The following ERBB4 variants were observed in gnomAD, a reference collection of about 807,000 sequenced individuals.
ERBB4 encodes the protein receptor tyrosine-protein kinase erbB-4.
A neutral mutation model predicts 158.0 loss-of-function variants in ERBB4; 42 were observed. The ratio of observed to expected loss-of-function variants is 0.27; its 90% CI spans 0.21 to 0.34. The LOEUF is 0.34. ERBB4 is among the 10% of genes least tolerant of loss of function. The probability of loss-of-function intolerance (pLI) is 1.00; values close to 1 mark genes in which losing one functional copy is unlikely to be tolerated. For synonymous variants in ERBB4, 583 were observed against 558.7 expected (o/e 1.04, Z -0.61); for missense variants, 1,333 against 1,624.1 (o/e 0.82, Z 3.08).
intron 1 of ERBB4, among the ~76,000 whole-genome samples, chr2:212,483,210 GA>G (rs1366976575): frequency 6.6e-6 from 1 of 152,194 alleles, no homozygotes; most frequent in Non-Finnish European, 1.5e-5. Flanking sequence ...AAATTCACTG[GA>G]ACAGATGACT....
Position 212,538,466 on chromosome 2 carries a change from G to T in ERBB4, c.65C>A (p.Pro22His), listed in dbSNP as rs1300045748. The part of the protein sequence containing the change: ...SLLVAAGTVQ[P>H]SDSQSVCAGT... ...GAACCCACCTGACTGAGAATCGCTG[G>T]GCTGGACGGTCCCCGCCGCCACGAG... is the stretch of plus-strand genomic sequence containing the variant. Residue 22 changes from proline to histidine, a missense_variant, in exon 1 of 28, where the codon CCC becomes CAC. Pro to His is a moderately conservative substitution (Grantham distance 77, BLOSUM62 -2). Coordinates refer to ENST00000342788, the MANE Select transcript of ERBB4 (RefSeq NM_005235.3). 6.2e-7 allele frequency: 1 copy of T among 1,613,826 alleles called. No individual in the cohort carries two copies. Among genetic ancestry groups the T allele is most frequent in the African/African-American group, 1.3e-5 (1 of 74,920 alleles).
rs143406191 is a variant in ERBB4 at position 211,978,408 on chromosome 2, A to G, written c.235-30792T>C. On this transcript the variant is annotated intron_variant, in intron 2 of 27. Coordinates refer to ENST00000342788, the MANE Select transcript of ERBB4 (RefSeq NM_005235.3). The stretch of plus-strand genomic sequence containing the variant: ...TGTCTGTCTGTCTGTCTATCTATCT[A>G]TCTATCTATCTATCTATCTATCTAT... 6.9e-3 allele frequency among the ~76,000 whole-genome samples: 1,029 copies of G among 148,658 alleles called. 13 individuals carry two copies. Among genetic ancestry groups the G allele is most frequent in the African/African-American group, 0.023 (932 of 40,046 alleles).
chr2:211,430,876 A>AAAAT, intron 21 of ERBB4, 69 bp downstream of exon 21: 1 of 1,354,658 alleles, frequency 7.4e-7, no homozygotes, highest in Non-Finnish European at 1.1e-6. Flanking sequence ...TTTCTTGTAT[A>AAAAT]AAATATAAGG....
At chr2:212,313,162 C>T (rs1326366336) in intron 1 of ERBB4, among the ~76,000 whole-genome samples, 1 of 150,626 alleles carries the variant, frequency 6.6e-6, no homozygotes, top group Non-Finnish European at 1.5e-5. Context: ...AGTGTTCTTC[C>T]ATTTACAAAC....
intron 4 of ERBB4, among the ~76,000 whole-genome samples, chr2:211,787,041 A>G (rs1247800695): frequency 6.6e-6 from 1 of 152,230 alleles, no homozygotes; most frequent in African/African-American, 2.4e-5. Context: ...GATCAAATAC[A>G]TTCATATTTC....
intron 2 of ERBB4, among the ~76,000 whole-genome samples, chr2:211,965,114 C>A (rs372954292): frequency 3.9e-5 from 6 of 152,064 alleles, no homozygotes; most frequent in African/African-American, 1.4e-4. Flanking sequence ...CTCTGCAATA[C>A]CATGAAATAA....
At chr2:212,334,533 G>A (rs1342015138) in intron 1 of ERBB4, among the ~76,000 whole-genome samples, 1 of 151,896 alleles carries the variant, frequency 6.6e-6, no homozygotes, top group African/African-American at 2.4e-5. Flanking sequence ...GTATTTGTTT[G>A]TTATTTGGTA....
At chr2:211,468,430 C>T (rs1423005935) in intron 20 of ERBB4, among the ~76,000 whole-genome samples, 1 of 152,134 alleles carries the variant, frequency 6.6e-6, no homozygotes, top group African/African-American at 2.4e-5. Flanking sequence ...TCACGTGTGA[C>T]ACACAGATAA....
chr2:211,510,574 T>C (rs1227247797), intron 20 of ERBB4, among the ~76,000 whole-genome samples: 3 of 152,094 alleles, frequency 2.0e-5, no homozygotes, highest in Non-Finnish European at 4.4e-5. Flanking sequence ...TTACCTTTTT[T>C]TGAAGTTATC....
chr2:211,514,239 G>A (rs1306619492), intron 20 of ERBB4, among the ~76,000 whole-genome samples: 3 of 152,012 alleles, frequency 2.0e-5, no homozygotes, highest in Admixed American at 2.0e-4. Flanking sequence ...TAACAGCTAA[G>A]TTTTGTTTCG....
At chr2:211,806,627 G>C (rs1411243553) in intron 3 of ERBB4, among the ~76,000 whole-genome samples, 3 of 152,134 alleles carry the variant, frequency 2.0e-5, no homozygotes, top group Non-Finnish European at 4.4e-5. Flanking sequence ...ACATAAAACT[G>C]AGAGGCCAAA....
intron 3 of ERBB4, among the ~76,000 whole-genome samples, chr2:211,853,598 G>A (rs1257083936): frequency 1.3e-5 from 2 of 151,944 alleles, no homozygotes; most frequent in Admixed American, 6.6e-5. Flanking sequence ...TGGAGGCAGT[G>A]GTCTGAGGTA....
At chr2:212,021,021 T>A (rs2076637605) in intron 2 of ERBB4, among the ~76,000 whole-genome samples, 1 of 152,162 alleles carries the variant, frequency 6.6e-6, no homozygotes, top group Admixed American at 6.5e-5. Context: ...TCCATATACT[T>A]TACATTGATG....
chr2:212,423,544 CT>C, intron 1 of ERBB4, among the ~76,000 whole-genome samples: 1 of 152,198 alleles, frequency 6.6e-6, no homozygotes, highest in Non-Finnish European at 1.5e-5. Context: ...ACACATGTGC[CT>C]TATTTTTATC....
At chr2:212,214,345 G>T (rs935701444) in intron 1 of ERBB4, among the ~76,000 whole-genome samples, 1 of 151,668 alleles carries the variant, frequency 6.6e-6, no homozygotes, top group African/African-American at 2.4e-5. Flanking sequence ...AATTTAAAAT[G>T]AATTAAATTT....
At chr2:211,804,327 C>A (rs1002897082) in intron 3 of ERBB4, among the ~76,000 whole-genome samples, 1 of 152,152 alleles carries the variant, frequency 6.6e-6, no homozygotes, top group Non-Finnish European at 1.5e-5. Flanking sequence ...GTTAGTCCTG[C>A]ATTAATCACT....
chr2:211,803,604 G>A (rs941748482), intron 3 of ERBB4, among the ~76,000 whole-genome samples: 5 of 152,216 alleles, frequency 3.3e-5, no homozygotes, highest in African/African-American at 9.7e-5. Context: ...ACTCAGGGTT[G>A]CCAGAGGTTG....
intron 4 of ERBB4, among the ~76,000 whole-genome samples, chr2:211,772,898 C>A (rs866302309): frequency 4.2e-5 from 2 of 48,112 alleles, no homozygotes; most frequent in African/African-American, 8.1e-5. Context: ...CACACACACA[C>A]ATATATATAT....
intron 12 of ERBB4, among the ~76,000 whole-genome samples, chr2:211,682,614 C>A (rs999706119): frequency 6.6e-6 from 1 of 152,142 alleles, no homozygotes; most frequent in South Asian, 2.1e-4. Flanking sequence ...TTTCCAGTAT[C>A]ATTTGTTGAA....
Sources: allele counts gnomAD v4.1 joint callset (sites outside exome capture counted in the v4.1 genomes callset), GRCh38; gene constraint gnomAD v4.1.1; transcripts MANE v1.5; gene names NCBI Gene and HGNC (gene_info 2026-07-23, HGNC 2026-07-21).